MYBPC1: variants seen among roughly 807,000 people sequenced by gnomAD.
The protein encoded by MYBPC1 is myosin-binding protein C, slow-type.
A neutral mutation model predicts 147.1 loss-of-function variants in MYBPC1; 52 were observed. That is an observed-to-expected ratio of 0.35 (90% CI 0.28 to 0.45). MYBPC1 has a LOEUF of 0.45. MYBPC1 is among the 20% of genes least tolerant of loss of function. The pLI is 1.00. For missense variants in MYBPC1, 1,228 were observed against 1,440.3 expected (o/e 0.85, Z 2.39); for synonymous variants, 477 against 475.9 (o/e 1.00, Z -0.03).
At chr12:101,614,759 G>C (rs1885434927) in intron 2 of MYBPC1, 1 of 588,900 alleles carries the variant, frequency 1.7e-6, no homozygotes, top group Non-Finnish European at 3.0e-6. Context: ...ATATATTAGG[G>C]GGACAATTCT....
the MYBPC1 span, among the ~76,000 whole-genome samples, chr12:101,693,715 G>A: frequency 6.6e-6 from 1 of 151,720 alleles, no homozygotes; most frequent in African/African-American, 2.4e-5. Flanking sequence ...TCCAGCCTGG[G>A]TGACAGAGCA....
At chr12:101,605,251 T>A (rs1232282311) in intron 1 of MYBPC1, among the ~76,000 whole-genome samples, 1 of 152,152 alleles carries the variant, frequency 6.6e-6, no homozygotes, top group Non-Finnish European at 1.5e-5. Flanking sequence ...GGAAAATGAG[T>A]TATTGCTTCA....
chr12:101,604,419 A>C (rs1881343737), intron 1 of MYBPC1, among the ~76,000 whole-genome samples: 1 of 152,238 alleles, frequency 6.6e-6, no homozygotes, highest in Admixed American at 6.5e-5. Context: ...AGTACAGTAC[A>C]GTCTTTGGCA....
intron 12 of MYBPC1, 103 bp downstream of exon 12, chr12:101,644,899 A>G: frequency 8.8e-7 from 1 of 1,131,604 alleles, no homozygotes; most frequent in South Asian, 1.3e-5. Context: ...TATTTTCATA[A>G]TACAAAATCA....
intron 27 of MYBPC1, 32 bp from the exon 28 acceptor site, chr12:101,678,070 A>C (rs1566012125): frequency 6.2e-7 from 1 of 1,602,682 alleles, no homozygotes; most frequent in Non-Finnish European, 8.5e-7. Flanking sequence ...AATTTACATA[A>C]TTTTAACATA....
intron 1 of MYBPC1, among the ~76,000 whole-genome samples, chr12:101,601,034 C>T (rs1879710306): frequency 6.6e-6 from 1 of 152,250 alleles, no homozygotes; most frequent in African/African-American, 2.4e-5. Context: ...AATAAATACA[C>T]AGAAAGGTAG....
intron 8 of MYBPC1, among the ~76,000 whole-genome samples, chr12:101,633,460 G>A (rs749551581): frequency 1.9e-4 from 29 of 152,066 alleles, no homozygotes; most frequent in Non-Finnish European, 2.8e-4. Flanking sequence ...AGGCCGGGGC[G>A]GGCAGATCAC....
intron 24 of MYBPC1, among the ~76,000 whole-genome samples, chr12:101,672,952 T>C (rs1368850518): frequency 6.6e-6 from 1 of 152,220 alleles, no homozygotes; most frequent in Admixed American, 6.5e-5. Flanking sequence ...GGTACTACCA[T>C]TATTCCCGTT....
intron 22 of MYBPC1, among the ~76,000 whole-genome samples, chr12:101,665,757 CT>C (rs1299846752): frequency 6.6e-6 from 1 of 152,156 alleles, no homozygotes; most frequent in African/African-American, 2.4e-5. Flanking sequence ...GTTCTTCACT[CT>C]TTTGTACATG....
intron 8 of MYBPC1, among the ~76,000 whole-genome samples, chr12:101,632,923 C>T (rs114078657): frequency 1.4e-3 from 214 of 152,204 alleles, no homozygotes; most frequent in African/African-American, 4.8e-3. Flanking sequence ...TTAGAAGAGA[C>T]GGGATTTCGC....
chr12:101,657,830 T>G (rs573964059), intron 18 of MYBPC1, among the ~76,000 whole-genome samples: 1 of 152,336 alleles, frequency 6.6e-6, no homozygotes, highest in East Asian at 1.9e-4. Context: ...AGGTCAGTTT[T>G]ATCCTAATAT....
At chr12:101,637,925 C>G (rs1303478511) in intron 10 of MYBPC1, among the ~76,000 whole-genome samples, 4 of 152,114 alleles carry the variant, frequency 2.6e-5, no homozygotes, top group African/African-American at 9.7e-5. Context: ...TTGATTAATT[C>G]CCCAAATGCA....
chr12:101,619,866 A>C (rs1160685339), intron 3 of MYBPC1, among the ~76,000 whole-genome samples: 2 of 152,214 alleles, frequency 1.3e-5, no homozygotes, highest in Non-Finnish European at 2.9e-5. Context: ...AGATTGATTG[A>C]ATCATTCTGC....
intron 3 of MYBPC1, among the ~76,000 whole-genome samples, chr12:101,619,225 C>T (rs1198721932): frequency 2.0e-5 from 3 of 151,880 alleles, no homozygotes; most frequent in Non-Finnish European, 4.4e-5. Context: ...AACTGTCAGT[C>T]TATTTTTTTT....
chr12:101,660,351 C>T (rs1317535222), intron 19 of MYBPC1: 20 of 177,964 alleles, frequency 1.1e-4, no homozygotes, highest in Non-Finnish European at 2.4e-4. Flanking sequence ...ACTTGGATTT[C>T]TACCAGCCAA....
rs998619738 is a variant in MYBPC1 at position 101,671,237 on chromosome 12, G to A, written c.2613+828G>A. 1.3e-4 allele frequency among the ~76,000 whole-genome samples: 20 copies of A among 151,654 alleles called. 2 individuals are homozygous for A. Among genetic ancestry groups the A allele is most frequent in the Admixed American group, 9.2e-4 (14 of 15,200 alleles). ...AATTAATTTTAATTTAAATAGCCAC[G>A]TGTACCTTGTGGCTATCGTATCAGC... On this transcript the variant is annotated intron_variant, in intron 24 of 31. Transcript: ENST00000361466.
At chr12:101,695,468 G>A in the MYBPC1 span, among the ~76,000 whole-genome samples, 3 of 152,198 alleles carry the variant, frequency 2.0e-5, no homozygotes, top group South Asian at 6.2e-4. Context: ...TTTTTGGACT[G>A]TGGTTGACTG....
chr12:101,624,077 G>A (rs567216508), intron 3 of MYBPC1, among the ~76,000 whole-genome samples: 1 of 152,120 alleles, frequency 6.6e-6, no homozygotes, highest in South Asian at 2.1e-4. Flanking sequence ...ATATCCTGCA[G>A]TAAACACATA....
At chr12:101,608,906 A>G (rs779341232) in intron 1 of MYBPC1, among the ~76,000 whole-genome samples, 1 of 152,186 alleles carries the variant, frequency 6.6e-6, no homozygotes, top group Non-Finnish European at 1.5e-5. Context: ...TGAAAGACAT[A>G]GTGTTCCTTG....
Sources: gnomAD v4.1 joint callset for allele counts (sites outside exome capture counted in the v4.1 genomes callset) on GRCh38, gnomAD v4.1.1 for gene constraint, MANE v1.5 for transcripts, NCBI Gene and HGNC (gene_info 2026-07-23, HGNC 2026-07-21) for gene names.